The following PACRG variants were observed in gnomAD, a reference collection of about 807,000 sequenced individuals.
The protein encoded by PACRG is parkin coregulated gene protein.
A neutral mutation model predicts 29.7 loss-of-function variants in PACRG; 29 were observed. That is an observed-to-expected ratio of 0.98 (90% confidence interval 0.73 to 1.33). The LOEUF is 1.33. PACRG is among the 40% of genes most tolerant of loss of function. The pLI is 0.00. For synonymous variants in PACRG, 116 were observed against 118.7 expected, an observed-to-expected ratio of 0.98 and a Z score of 0.15; for missense variants, 279 against 316.2, an observed-to-expected ratio of 0.88 and a Z score of 0.89.
In PACRG at chr6:163,076,840, TC is replaced by T. The variant is rs558160850; in HGVS notation, c.464-12417del. On this transcript the variant is annotated intron_variant, in intron 3 of 4. Coordinates refer to ENST00000366888, the MANE Select transcript of PACRG (RefSeq NM_001080379.2). ...CACCTCTCCACTCCCTACCCTCAAC[TC>T]CAGTCCTATCCCCACTCTGCCTTCC... 3.9e-3 allele frequency among the ~76,000 whole-genome samples: 591 copies of T among 152,092 alleles called. 4 individuals are homozygous for T. Among genetic ancestry groups the T allele is most frequent in the African/African-American group, 0.013 (547 of 41,490 alleles).
intron 4 of PACRG, among the ~76,000 whole-genome samples, chr6:163,220,311 A>G (rs2128158917): frequency 6.6e-6 from 1 of 152,272 alleles, no homozygotes; most frequent in African/African-American, 2.4e-5. Flanking sequence ...TACATTGTCT[A>G]ATTTATCCAG....
intron 2 of PACRG, among the ~76,000 whole-genome samples, chr6:162,985,746 G>A (rs948630463): frequency 2.6e-5 from 4 of 151,944 alleles, no homozygotes; most frequent in Admixed American, 6.6e-5. Flanking sequence ...CATTCAAAAT[G>A]GTAAAGAGGA....
intron 4 of PACRG, among the ~76,000 whole-genome samples, chr6:163,269,604 A>G (rs2874545): frequency 0.43 from 64,974 of 151,640 alleles, 14,498 homozygotes; most frequent in African/African-American, 0.56. Context: ...AAAAAACTCA[A>G]CTGTTACAAT....
At chr6:162,763,587 G>A (rs552196512) in intron 1 of PACRG, among the ~76,000 whole-genome samples, 8 of 152,274 alleles carry the variant, frequency 5.3e-5, no homozygotes, top group African/African-American at 1.9e-4. Flanking sequence ...CTCTGAAAAT[G>A]AGTATCACAG....
At chr6:162,895,527 T>A (rs1000313029) in intron 2 of PACRG, among the ~76,000 whole-genome samples, 2 of 152,202 alleles carry the variant, frequency 1.3e-5, no homozygotes, top group Admixed American at 6.5e-5. Context: ...ATTCTTTGTA[T>A]GTTTTAACGG....
rs373747452 is a variant in PACRG, at chr6:162,819,956, A to G, written c.291+5675A>G. On this transcript the variant is annotated intron_variant, in intron 2 of 4. Coordinates refer to ENST00000366888, the MANE Select transcript of PACRG (RefSeq NM_001080379.2). Reference sequence around the variant, plus strand: ...AAAATGGAAATATTAGCAGCAGCACATTTAATTTGAATCCATAGCACTTTA... The same window carrying G: ...AAAATGGAAATATTAGCAGCAGCACGTTTAATTTGAATCCATAGCACTTTA... Among the ~76,000 whole-genome samples the G allele has an allele frequency of 8.5e-5, 13 of 152,312 alleles. No homozygotes were observed. In the East Asian group the frequency reaches 1.3e-3, roughly 16 times the overall value.
intron 3 of PACRG, among the ~76,000 whole-genome samples, chr6:163,078,729 G>A (rs1314799344): frequency 1.3e-5 from 2 of 152,114 alleles, no homozygotes; most frequent in African/African-American, 4.8e-5. Flanking sequence ...TGTGGAGGCT[G>A]AGCTGTAGTC....
chr6:163,187,298 T>G, intron 4 of PACRG, among the ~76,000 whole-genome samples: 1 of 152,138 alleles, frequency 6.6e-6, no homozygotes, highest in East Asian at 1.9e-4. Flanking sequence ...AGTGTCACCT[T>G]GGACGCCACC....
At chr6:163,251,558 C>G (rs1349158310) in intron 4 of PACRG, among the ~76,000 whole-genome samples, 1 of 152,106 alleles carries the variant, frequency 6.6e-6, no homozygotes, top group Non-Finnish European at 1.5e-5. Flanking sequence ...TGGGAACACT[C>G]TTAGTGTGTA....
chr6:163,150,541 G>C (rs753235443), intron 4 of PACRG, among the ~76,000 whole-genome samples: 2 of 152,160 alleles, frequency 1.3e-5, no homozygotes, highest in Non-Finnish European at 2.9e-5. Flanking sequence ...CTGTCCCCCA[G>C]CCATGGGAGT....
chr6:162,883,095 T>C (rs1451784510), intron 2 of PACRG, among the ~76,000 whole-genome samples: 8 of 152,242 alleles, frequency 5.3e-5, no homozygotes. Flanking sequence ...TAAATGAAAC[T>C]AATTTTTAAA....
chr6:163,217,144 G>A (rs983168181), intron 4 of PACRG, among the ~76,000 whole-genome samples: 3 of 152,214 alleles, frequency 2.0e-5, no homozygotes, highest in Admixed American at 6.5e-5. Flanking sequence ...CAGGCTTGGC[G>A]ATAGAGGCTT....
intron 1 of PACRG, among the ~76,000 whole-genome samples, chr6:162,796,701 A>G (rs1290704801): frequency 1.3e-5 from 2 of 149,890 alleles, no homozygotes; most frequent in South Asian, 2.1e-4. Context: ...ATGATAATAG[A>G]TGAAGCAAAA....
chr6:163,079,811 C>T (rs182281864), intron 3 of PACRG, among the ~76,000 whole-genome samples: 13 of 151,894 alleles, frequency 8.6e-5, no homozygotes, highest in African/African-American at 3.1e-4. Flanking sequence ...TTTCTTTACA[C>T]TCCACTGCTT....
chr6:163,013,775 G>T (rs1179200990), intron 2 of PACRG, among the ~76,000 whole-genome samples: 1 of 151,786 alleles, frequency 6.6e-6, no homozygotes, highest in East Asian at 1.9e-4. Context: ...AATAATTGCT[G>T]ATAAAATGAA....
chr6:163,133,717 A>T (rs66502444), intron 4 of PACRG, among the ~76,000 whole-genome samples: 21,872 of 152,214 alleles, frequency 0.14, 1,556 homozygotes, highest in African/African-American at 0.15. Flanking sequence ...ATTCAAAAGC[A>T]GGAAAGCAAT....
intron 4 of PACRG, among the ~76,000 whole-genome samples, chr6:163,136,406 T>A (rs1439485680): frequency 6.6e-6 from 1 of 152,246 alleles, no homozygotes; most frequent in Non-Finnish European, 1.5e-5. Flanking sequence ...AGATCCATTT[T>A]AAAAATCTTG....
intron 4 of PACRG, among the ~76,000 whole-genome samples, chr6:163,250,561 A>C (rs996164759): frequency 2.0e-5 from 3 of 152,262 alleles, no homozygotes; most frequent in Non-Finnish European, 4.4e-5. Context: ...TATCGTCAGC[A>C]AACAGTGACA....
At chr6:163,212,971 G>A (rs1781213992) in intron 4 of PACRG, among the ~76,000 whole-genome samples, 1 of 152,018 alleles carries the variant, frequency 6.6e-6, no homozygotes, top group South Asian at 2.1e-4. Flanking sequence ...TTAGACATGG[G>A]GTTTCACCTT....
Sources: gnomAD v4.1 joint callset for allele counts (sites outside exome capture counted in the v4.1 genomes callset) on GRCh38, gnomAD v4.1.1 for gene constraint, MANE v1.5 for transcripts, NCBI Gene and HGNC (gene_info 2026-07-23, HGNC 2026-07-21) for gene names.